The following MAP3K1 variants were observed in gnomAD, a reference collection of about 807,000 sequenced individuals.
MAP3K1 encodes MAP/ERK kinase kinase 1.
Under a neutral mutation model 144.2 loss-of-function variants are expected in MAP3K1, and 36 were observed. The ratio of observed to expected loss-of-function variants is 0.25; its 90% CI spans 0.19 to 0.33. The LOEUF (loss-of-function observed/expected upper bound fraction) is 0.33. MAP3K1 is among the 10% of genes least tolerant of loss of function. The pLI is 1.00. For synonymous variants in MAP3K1, 718 were observed against 688.7 expected, an observed-to-expected ratio of 1.04 and a Z score of -0.67; for missense variants, 1,650 against 1,881.9, an observed-to-expected ratio of 0.88 and a Z score of 2.28.
intron 1 of MAP3K1, among the ~76,000 whole-genome samples, chr5:56,838,880 A>G (rs1283438304): frequency 1.3e-5 from 2 of 152,052 alleles, no homozygotes; most frequent in African/African-American, 4.8e-5. Context: ...TAATGTACTC[A>G]CTGGCCCAGA....
At chr5:56,817,750 C>G (rs1746022539) in intron 1 of MAP3K1, among the ~76,000 whole-genome samples, 1 of 152,064 alleles carries the variant, frequency 6.6e-6, no homozygotes, top group Non-Finnish European at 1.5e-5. Flanking sequence ...TCTATTGAGA[C>G]CTAACTTTTT....
At position 56,894,733 on chromosome 5, in the gene MAP3K1, C is replaced by T. The variant is rs1373816001; in HGVS notation, c.*1053C>T. The stretch of plus-strand genomic sequence containing the variant: ...CATAGAGCTGCCATTTTCCTTTTAC[C>T]ATGCATCATCTCTTTACAGTAGGCC... On this transcript the variant is annotated 3_prime_UTR_variant, in exon 20 of 20. Transcript: ENST00000399503. The T allele has an allele frequency of 2.2e-5, 5 of 232,204 alleles. No homozygotes were observed. The highest frequency in any genetic ancestry group is 4.3e-5 in the Non-Finnish European group (5 of 117,538). 14.4% of individuals were successfully genotyped at this position (232,204 alleles called of 1,614,324 possible). A position where few individuals can be genotyped will look rare whatever the true frequency, so the allele number is the denominator to read the frequency against.
At chr5:56,848,160 GCTCT>G (rs763233765) in intron 1 of MAP3K1, among the ~76,000 whole-genome samples, 6 of 151,832 alleles carry the variant, frequency 4.0e-5, no homozygotes, top group Non-Finnish European at 8.8e-5. Flanking sequence ...CTGACTAGTA[GCTCT>G]CTGTCTTTTG....
intron 19 of MAP3K1, among the ~76,000 whole-genome samples, chr5:56,891,482 G>T (rs949814563): frequency 5.9e-5 from 9 of 152,174 alleles, no homozygotes; most frequent in Non-Finnish European, 1.2e-4. Flanking sequence ...CTCCCATTCT[G>T]TAGGTTGCCT....
rs1441712902 is a variant in MAP3K1 at position 56,880,946 on chromosome 5, T to C, written c.2180-137T>C. ...TGATTCACTGTGTTACAGTTAGAAA[T>C]GTGAATTACTCTGAGAGAGAAATTC... is the stretch of plus-strand genomic sequence containing the variant. On this transcript the variant is annotated intron_variant, in intron 12 of 19. Coordinates refer to ENST00000399503, the MANE Select transcript of MAP3K1 (RefSeq NM_005921.2). 45 of 1,039,298 alleles carry C rather than the reference T, an allele frequency of 4.3e-5. No individual in the cohort carries two copies. The Admixed American group carries it at 9.1e-4, about 21-fold the overall frequency. The allele number at this position is 1,039,298 out of a possible 1,614,324, so 64.4% of individuals were successfully genotyped here. A position where few individuals can be genotyped will look rare whatever the true frequency, so the allele number is the denominator to read the frequency against.
intron 1 of MAP3K1, among the ~76,000 whole-genome samples, chr5:56,855,050 T>C (rs1222660196): frequency 6.6e-6 from 1 of 152,122 alleles, no homozygotes; most frequent in Non-Finnish European, 1.5e-5. Context: ...AGGATGGACT[T>C]TTTTGGAAGA....
At chr5:56,868,503 G>A (rs1335126482) in intron 6 of MAP3K1, among the ~76,000 whole-genome samples, 1 of 152,012 alleles carries the variant, frequency 6.6e-6, no homozygotes, top group Middle Eastern at 3.2e-3. Context: ...TCCTGCCTCA[G>A]CCTCCCGAGT....
intron 1 of MAP3K1, among the ~76,000 whole-genome samples, chr5:56,823,668 AT>A (rs1746221930): frequency 6.6e-6 from 1 of 152,222 alleles, no homozygotes; most frequent in African/African-American, 2.4e-5. Context: ...AAGGTGTTAA[AT>A]GGCAAAAGTC....
intron 3 of MAP3K1, chr5:56,861,954 G>A (rs747242614): frequency 3.3e-5 from 5 of 152,138 alleles, no homozygotes; most frequent in Non-Finnish European, 5.9e-5. Context: ...TACATTTAAA[G>A]CAAAAACATT....
chr5:56,834,726 A>G (rs926146044), intron 1 of MAP3K1, among the ~76,000 whole-genome samples: 2 of 152,178 alleles, frequency 1.3e-5, no homozygotes, highest in Admixed American at 6.5e-5. Flanking sequence ...AGAAAGAAAA[A>G]AGATGAGAGA....
intron 1 of MAP3K1, among the ~76,000 whole-genome samples, chr5:56,851,726 T>C (rs1448061589): frequency 1.3e-5 from 2 of 152,218 alleles, no homozygotes; most frequent in African/African-American, 4.8e-5. Flanking sequence ...CAGAAGGTCA[T>C]TGGACCAAGG....
intron 1 of MAP3K1, among the ~76,000 whole-genome samples, chr5:56,829,369 G>A (rs901051122): frequency 6.0e-5 from 3 of 50,072 alleles, no homozygotes; most frequent in African/African-American, 2.0e-4. Flanking sequence ...TTTTTTTTTT[G>A]TAGTGACAGA....
At chr5:56,889,930 T>C (rs1748496275) in intron 19 of MAP3K1, among the ~76,000 whole-genome samples, 1 of 152,170 alleles carries the variant, frequency 6.6e-6, no homozygotes, top group African/African-American at 2.4e-5. Flanking sequence ...TTTTGTATTA[T>C]CACCTCATTT....
intron 1 of MAP3K1, among the ~76,000 whole-genome samples, chr5:56,851,648 C>G (rs1052368678): frequency 6.6e-6 from 1 of 152,194 alleles, no homozygotes; most frequent in Admixed American, 6.5e-5. Context: ...TGCAGTAACA[C>G]TATTTGTGTG....
At chr5:56,831,895 G>T (rs373846916) in intron 1 of MAP3K1, among the ~76,000 whole-genome samples, 1 of 152,172 alleles carries the variant, frequency 6.6e-6, no homozygotes, top group African/African-American at 2.4e-5. Flanking sequence ...GACATTCCTT[G>T]TGGGCATATT....
At chr5:56,850,353 C>A (rs985325695) in intron 1 of MAP3K1, among the ~76,000 whole-genome samples, 1 of 152,124 alleles carries the variant, frequency 6.6e-6, no homozygotes, top group African/African-American at 2.4e-5. Flanking sequence ...AATCAAGATA[C>A]GGAAATCTTA....
At position 56,860,419 on chromosome 5, in the gene MAP3K1, GGTTGTTAGA is replaced by G. The variant is rs572382313; in HGVS notation, c.834+509_834+517del. On this transcript the variant is annotated intron_variant, in intron 3 of 19. Coordinates refer to ENST00000399503, the MANE Select transcript of MAP3K1 (RefSeq NM_005921.2). Reference sequence around the variant, plus strand: ...GTTTCTAAAGGAGAAGTATTTGTGCGGTTGTTAGAGTTGCAAGCTGAACTAGTTATTTCT... The same window carrying G: ...GTTTCTAAAGGAGAAGTATTTGTGCGGTTGCAAGCTGAACTAGTTATTTCT... Among the ~76,000 whole-genome samples, 77 of 152,250 alleles carry G rather than the reference GGTTGTTAGA, an allele frequency of 5.1e-4. 1 individual carries two copies. In the South Asian group the frequency reaches 0.015, roughly 30 times the overall value.
intron 1 of MAP3K1, among the ~76,000 whole-genome samples, chr5:56,830,928 T>G (rs1746467921): frequency 1.3e-5 from 2 of 152,148 alleles, no homozygotes; most frequent in South Asian, 2.1e-4. Flanking sequence ...TTTTTTTTTT[T>G]GTAATGCACT....
intron 8 of MAP3K1, 23 bp downstream of exon 8, chr5:56,872,745 G>A: frequency 6.3e-7 from 1 of 1,592,270 alleles, no homozygotes; most frequent in Non-Finnish European, 8.6e-7. Flanking sequence ...AAATGATACG[G>A]ATATGTTTAA....
Sources: gnomAD v4.1 joint callset for allele counts (sites outside exome capture counted in the v4.1 genomes callset) on GRCh38, gnomAD v4.1.1 for gene constraint, MANE v1.5 for transcripts, NCBI Gene and HGNC (gene_info 2026-07-23, HGNC 2026-07-21) for gene names.